The following ILDR1 variants were observed in gnomAD, a reference collection of about 807,000 sequenced individuals.
The protein encoded by ILDR1 is immunoglobulin-like domain-containing receptor 1.
In ILDR1, 56 loss-of-function variants were observed where a neutral mutation model predicts 62.4. The ratio of observed to expected loss-of-function variants is 0.90; its 90% CI spans 0.72 to 1.12. The LOEUF is 1.12. Among genes scored for constraint, ILDR1 ranks in the 50% most tolerant of loss-of-function variants. The pLI is 0.00. For missense variants in ILDR1, 736 were observed against 710.6 expected, an observed-to-expected ratio of 1.04 and a Z score of -0.41; for synonymous variants, 284 against 277.8, an observed-to-expected ratio of 1.02 and a Z score of -0.22.
chr3:122,028,692 C>T, the ILDR1 span, among the ~76,000 whole-genome samples: 2 of 152,142 alleles, frequency 1.3e-5, no homozygotes, highest in Non-Finnish European at 1.5e-5. Flanking sequence ...CAACTTGTAC[C>T]GGTAATCAGG....
chr3:122,039,614 T>C, the ILDR1 span, among the ~76,000 whole-genome samples: 3 of 151,938 alleles, frequency 2.0e-5, no homozygotes, highest in Non-Finnish European at 4.4e-5. Context: ...CCAGCAGACA[T>C]ACACTGCAAG....
chr3:122,017,404 TAATGA>T (rs1209969134), intron 1 of ILDR1, among the ~76,000 whole-genome samples: 1 of 152,210 alleles, frequency 6.6e-6, no homozygotes, highest in Non-Finnish European at 1.5e-5. Flanking sequence ...GGACTTCAGA[TAATGA>T]AATAAATTAT....
At chr3:122,036,225 T>C in the ILDR1 span, among the ~76,000 whole-genome samples, 1 of 152,214 alleles carries the variant, frequency 6.6e-6, no homozygotes, top group African/African-American at 2.4e-5. Flanking sequence ...AGAGGTGACC[T>C]TGCTGTTTCT....
intron 1 of ILDR1, among the ~76,000 whole-genome samples, chr3:122,008,816 C>G (rs1180775036): frequency 6.6e-6 from 1 of 152,034 alleles, no homozygotes; most frequent in Admixed American, 6.6e-5. Flanking sequence ...TAGGCTCAAA[C>G]TCCTGACCTG....
intron 5 of ILDR1, among the ~76,000 whole-genome samples, chr3:122,000,448 G>T (rs2071505191): frequency 6.6e-6 from 1 of 152,218 alleles, no homozygotes; most frequent in Non-Finnish European, 1.5e-5. Context: ...GGTCCTGGGA[G>T]GGTGGCACAC....
intron 7 of ILDR1, among the ~76,000 whole-genome samples, chr3:121,988,798 T>C (rs530487121): frequency 3.0e-4 from 45 of 152,364 alleles, no homozygotes; most frequent in Admixed American, 2.8e-3. Flanking sequence ...TTTTTCCTTT[T>C]TATAATCTCC....
chr3:122,017,363 T>C (rs1013738472), intron 1 of ILDR1, among the ~76,000 whole-genome samples: 1 of 152,200 alleles, frequency 6.6e-6, no homozygotes, highest in Non-Finnish European at 1.5e-5. Flanking sequence ...TCTTCTCAAT[T>C]CTTAAAACAC....
At chr3:122,040,053 GTTAA>G in the ILDR1 span, among the ~76,000 whole-genome samples, 4 of 151,900 alleles carry the variant, frequency 2.6e-5, no homozygotes, top group Non-Finnish European at 4.4e-5. Context: ...TTAAATCTAT[GTTAA>G]TTAAGAGTAT....
Position 121,994,220 on chromosome 3 carries a change from T to C in ILDR1, c.740A>G (p.Gln247Arg), listed in dbSNP as rs1479484048. 32 of 1,535,996 alleles carry C rather than the reference T, an allele frequency of 2.1e-5. 2 individuals are homozygous for C. The South Asian group carries it at 3.3e-4, about 16-fold the overall frequency. ...CGGGTGCATTGGATAAGATGAAACC[T>C]GGGAGCTCCTGTCCGCCCCCCAGTA... ...PLYWGADRSS[Q>R]VSSYPMHPLL... is the part of the protein sequence containing the mutation. The change falls in exon 6 of 8, where the codon CAG becomes CGG. Residue 247 changes from glutamine to arginine, a missense_variant. Physicochemically the swap from Gln to Arg is conservative, Grantham distance 43 (BLOSUM62 1). Coordinates refer to ENST00000344209, the MANE Select transcript of ILDR1 (RefSeq NM_001199799.2).
At chr3:122,028,108 A>T in the ILDR1 span, among the ~76,000 whole-genome samples, 1 of 152,024 alleles carries the variant, frequency 6.6e-6, no homozygotes, top group Non-Finnish European at 1.5e-5. Flanking sequence ...CGGGCAGATC[A>T]CTAGGTCAGG....
rs1559877348 is a variant in ILDR1, at chr3:122,005,360, G to A, written c.263C>T (p.Pro88Leu). Residue 88 changes from proline (P) to leucine (L), a missense_variant, in exon 3 of 8, where the codon CCA becomes CTA. Physicochemically the swap from Pro to Leu is moderately conservative, Grantham distance 98. Coordinates refer to ENST00000344209, the MANE Select transcript of ILDR1 (RefSeq NM_001199799.2). ...CTGGTTGTCGTTGCAGTCATTGGATGGGTCCTGGCCCAGGGATAAAGCTGC... is the reference window on the plus strand; with the variant it reads ...CTGGTTGTCGTTGCAGTCATTGGATAGGTCCTGGCCCAGGGATAAAGCTGC... The part of the protein sequence containing the change: ...YQAALSLGQD[P>L]SNDCNDNQRE... The A allele has an allele frequency of 1.2e-6, 2 of 1,614,178 alleles. No homozygotes were observed. Among genetic ancestry groups the A allele is most frequent in the Non-Finnish European group, 1.7e-6 (2 of 1,180,034 alleles).
At chr3:122,001,952 G>C in intron 3 of ILDR1, 88 bp from the exon 4 acceptor site, 1 of 1,462,652 alleles carries the variant, frequency 6.8e-7, no homozygotes, top group Non-Finnish European at 9.5e-7. Context: ...TGGGCAGCAT[G>C]GCAAGACCTT....
chr3:122,057,673 T>C, the ILDR1 span, among the ~76,000 whole-genome samples: 1 of 152,224 alleles, frequency 6.6e-6, no homozygotes, highest in Non-Finnish European at 1.5e-5. Flanking sequence ...TGTGTGATAA[T>C]TTATAAGTTG....
At chr3:122,046,458 G>A in the ILDR1 span, among the ~76,000 whole-genome samples, 149 of 140,964 alleles carry the variant, frequency 1.1e-3, no homozygotes, top group Admixed American at 2.1e-3. Flanking sequence ...GAATCTGAAC[G>A]TTGGCCTGCC....
chr3:121,996,528 G>A (rs1242820407), intron 5 of ILDR1, among the ~76,000 whole-genome samples: 1 of 152,190 alleles, frequency 6.6e-6, no homozygotes, highest in Non-Finnish European at 1.5e-5. Flanking sequence ...GCTATCAGGG[G>A]TATCTGTTGC....
At chr3:122,021,932 C>T in intron 1 of ILDR1, 88 bp downstream of exon 1, 1 of 1,339,494 alleles carries the variant, frequency 7.5e-7, no homozygotes, top group South Asian at 1.3e-5. Context: ...CCTCCACTGC[C>T]CTGCCCGCGG....
At chr3:122,006,659 C>T (rs1010524388) in intron 2 of ILDR1, among the ~76,000 whole-genome samples, 8 of 151,210 alleles carry the variant, frequency 5.3e-5, no homozygotes, top group South Asian at 2.1e-4. Context: ...TGAGGGGAGG[C>T]GGGCCTGCAT....
chr3:122,056,962 T>C, the ILDR1 span, among the ~76,000 whole-genome samples: 1 of 152,224 alleles, frequency 6.6e-6, no homozygotes, highest in African/African-American at 2.4e-5. Flanking sequence ...TGCCTGAAGA[T>C]TGGTCATGAA....
At chr3:122,048,417 G>C in the ILDR1 span, among the ~76,000 whole-genome samples, 1 of 152,144 alleles carries the variant, frequency 6.6e-6, no homozygotes, top group Non-Finnish European at 1.5e-5. Context: ...TGGCTTTGCT[G>C]TCAGGTTAAC....
Sources: allele counts gnomAD v4.1 joint callset (sites outside exome capture counted in the v4.1 genomes callset), GRCh38; gene constraint gnomAD v4.1.1; transcripts MANE v1.5; gene names NCBI Gene and HGNC (gene_info 2026-07-23, HGNC 2026-07-21).